REPS1: variants seen among roughly 807,000 people sequenced by gnomAD.
REPS1 encodes the protein ralBP1-associated Eps domain-containing protein 1.
In REPS1, 39 loss-of-function variants were observed where a neutral mutation model predicts 100.9. That is an observed-to-expected ratio of 0.39 (90% CI 0.30 to 0.50). The LOEUF (loss-of-function observed/expected upper bound fraction) is 0.50. Ranked by LOEUF, REPS1 falls within the 20% of genes least tolerant of loss-of-function variation. The probability of loss-of-function intolerance (pLI) is 0.86; values close to 1 mark genes in which losing one functional copy is unlikely to be tolerated. For synonymous variants in REPS1, 324 were observed against 340.3 expected (o/e 0.95, Z 0.53); for missense variants, 821 against 968.5 (o/e 0.85, Z 2.02).
chr6:138,922,483 G>C (rs970334426), intron 10 of REPS1, among the ~76,000 whole-genome samples: 1 of 152,096 alleles, frequency 6.6e-6, no homozygotes, highest in Non-Finnish European at 1.5e-5. Context: ...AAAGACTTCT[G>C]ACTAGAATGA....
At chr6:138,980,744 CTAT>C in intron 1 of REPS1, among the ~76,000 whole-genome samples, 1 of 137,650 alleles carries the variant, frequency 7.3e-6, no homozygotes, top group African/African-American at 2.7e-5. Flanking sequence ...AATGACACTA[CTAT>C]GTTTACTATG....
In REPS1 at chr6:138,921,036, C is replaced by G; in HGVS notation, c.1426+1G>C. 1 of 1,607,172 alleles carries G rather than the reference C, an allele frequency of 6.2e-7. No individual in the cohort carries two copies. Among genetic ancestry groups the G allele is most frequent in the Non-Finnish European group, 8.5e-7 (1 of 1,174,324 alleles). ...ATACAAACCAGCAACAGCTTCCTTACCGCTGCCAGTTCTTTTAAGTTCCAT... is the reference window on the plus strand; with the variant it reads ...ATACAAACCAGCAACAGCTTCCTTAGCGCTGCCAGTTCTTTTAAGTTCCAT... On this transcript the variant is annotated splice_donor_variant, in intron 11 of 19. Coordinates refer to ENST00000450536, the MANE Select transcript of REPS1 (RefSeq NM_001286611.2). LOFTEE classifies it high-confidence loss of function.
intron 1 of REPS1, among the ~76,000 whole-genome samples, chr6:138,978,095 G>GT (rs60642515): frequency 0.48 from 69,220 of 144,144 alleles, 17,314 homozygotes; most frequent in East Asian, 0.81. Context: ...CTTTCGCCCA[G>GT]TTTTTTTTTT....
intron 1 of REPS1, among the ~76,000 whole-genome samples, chr6:138,961,248 G>C (rs1331464935): frequency 1.3e-5 from 2 of 152,028 alleles, no homozygotes; most frequent in African/African-American, 4.8e-5. Flanking sequence ...ATTTTTTATT[G>C]CTACTCAAAG....
chr6:138,936,623 G>C (rs1040519089), intron 8 of REPS1, among the ~76,000 whole-genome samples: 2 of 111,842 alleles, frequency 1.8e-5, no homozygotes, highest in South Asian at 6.1e-4. Context: ...GAGTATGTTT[G>C]GGGGGGGGTA....
intron 1 of REPS1, among the ~76,000 whole-genome samples, chr6:138,959,442 C>A (rs1038459306): frequency 1.3e-5 from 2 of 148,868 alleles, no homozygotes; most frequent in African/African-American, 5.1e-5. Context: ...CTGCCAATAT[C>A]CTTTCCAAAA....
At chr6:138,985,847 G>A (rs1014976173) in intron 1 of REPS1, among the ~76,000 whole-genome samples, 2 of 152,174 alleles carry the variant, frequency 1.3e-5, no homozygotes, top group Non-Finnish European at 2.9e-5. Flanking sequence ...AAGTCTTTGT[G>A]TACCCATTAA....
intron 12 of REPS1, 89 bp from the exon 13 acceptor site, chr6:138,917,716 T>C: frequency 9.5e-7 from 1 of 1,053,862 alleles, no homozygotes; most frequent in Non-Finnish European, 1.4e-6. Flanking sequence ...GATATGCTGT[T>C]TCAAGCCAGA....
intron 7 of REPS1, among the ~76,000 whole-genome samples, chr6:138,942,028 G>A (rs1466563810): frequency 1.3e-5 from 2 of 152,048 alleles, no homozygotes; most frequent in Admixed American, 6.5e-5. Context: ...ACAGGTACGC[G>A]TCACCATGCC....
Position 138,987,645 on chromosome 6 carries a change from T to C in REPS1, c.38A>G (p.Tyr13Cys). The C allele has an allele frequency of 1.9e-6, 3 of 1,549,940 alleles. No homozygotes were observed. The highest frequency in any genetic ancestry group is 1.4e-5 in the African/African-American group (1 of 72,868). ...GLTLSDAEQK[Y>C]YSDLFSYCDI... ...GCAGTAGGAGAAGAGATCTGAATAG[T>C]ATTTCTGCTCCGCATCGCTCAGCGT... Residue 13 changes from tyrosine to cysteine, a missense_variant, in exon 1 of 20, where the codon TAC becomes TGC. This residue lies in a region of REPS1 where 36 missense variants were observed against 36.7 expected (regional missense o/e 0.98). Coordinates refer to ENST00000450536, the MANE Select transcript of REPS1 (RefSeq NM_001286611.2).
chr6:138,909,587 C>A (rs1272540074), intron 17 of REPS1, among the ~76,000 whole-genome samples: 1 of 152,010 alleles, frequency 6.6e-6, no homozygotes, highest in Non-Finnish European at 1.5e-5. Context: ...ATGTGTCAAG[C>A]GAGGGGCCTG....
chr6:138,978,290 TTTC>T (rs1241046525), intron 1 of REPS1, among the ~76,000 whole-genome samples: 21 of 148,046 alleles, frequency 1.4e-4, no homozygotes, highest in African/African-American at 5.1e-4. Flanking sequence ...TTCTTTTCCT[TTTC>T]TTTTTTTTTT....
chr6:138,960,044 A>C (rs531264966), intron 1 of REPS1, among the ~76,000 whole-genome samples: 11 of 152,342 alleles, frequency 7.2e-5, no homozygotes, highest in African/African-American at 2.4e-4. Flanking sequence ...ATTCCAAACA[A>C]CACCAGTCCA....
chr6:138,959,738 G>A (rs543941298), intron 1 of REPS1, among the ~76,000 whole-genome samples: 7 of 151,876 alleles, frequency 4.6e-5, no homozygotes, highest in African/African-American at 1.7e-4. Context: ...ACTAACTTAA[G>A]TAACATGGGA....
intron 12 of REPS1, among the ~76,000 whole-genome samples, chr6:138,918,942 T>G (rs548538621): frequency 7.2e-5 from 11 of 152,230 alleles, no homozygotes; most frequent in African/African-American, 2.7e-4. Flanking sequence ...GGACTGGTTA[T>G]TTTAATTGTA....
At position 138,905,246 on chromosome 6, in the gene REPS1, G is replaced by A. The variant is rs1582685794; in HGVS notation, c.2323-114C>T. On this transcript the variant is annotated intron_variant, in intron 19 of 19. Coordinates refer to ENST00000450536, the MANE Select transcript of REPS1 (RefSeq NM_001286611.2). ...TAAATTTGTCAAGACAACTAAGGGA[G>A]AGCTTATTCATATTTTAAAAGTATA... 6.2e-6 allele frequency: 4 copies of A among 644,796 alleles called. No homozygotes were observed. The East Asian group carries it at 1.1e-4, about 18-fold the overall frequency. The allele number at this position is 644,796 out of a possible 1,614,324, so 39.9% of individuals were successfully genotyped here.
intron 8 of REPS1, among the ~76,000 whole-genome samples, chr6:138,938,632 G>C (rs1014529316): frequency 1.3e-5 from 2 of 151,862 alleles, no homozygotes; most frequent in Non-Finnish European, 2.9e-5. Flanking sequence ...GTACAGTGAT[G>C]GGGGAAAAAA....
At chr6:138,921,817 C>T (rs1184606465) in intron 10 of REPS1, among the ~76,000 whole-genome samples, 2 of 151,876 alleles carry the variant, frequency 1.3e-5, no homozygotes, top group Non-Finnish European at 2.9e-5. Flanking sequence ...ACCTTGTGAT[C>T]CGCCCGCCTC....
rs780373870 is a variant in REPS1, at chr6:138,945,259, T to A, written c.588A>T (p.Gly196=). 12 of 1,610,694 alleles carry A rather than the reference T, an allele frequency of 7.5e-6. No individual in the cohort carries two copies. The South Asian group carries it at 1.3e-4, about 18-fold the overall frequency. ...CAAAGGGAGACCAAAATGGCCCAGG[T>A]CCCGCGAGAGGCCTCTCACTATTCC... ...SGGNSERPLA[G]PGPFWSPFGE... The change falls in exon 4 of 20, where the codon GGA becomes GGT. Residue 196 remains glycine (G), a synonymous_variant. Transcript: ENST00000450536.
Sources: gnomAD v4.1 joint callset for allele counts (sites outside exome capture counted in the v4.1 genomes callset) on GRCh38, gnomAD v4.1.1 for gene constraint, gnomAD v4.1.1 regional missense constraint, MANE v1.5 for transcripts, NCBI Gene and HGNC (gene_info 2026-07-23, HGNC 2026-07-21) for gene names.